Variants in SFMBT2 observed in about 807,000 individuals in gnomAD.
SFMBT2 encodes the protein scm-like with four MBT domains protein 2.
A neutral mutation model predicts 110.1 loss-of-function variants in SFMBT2; 38 were observed. The observed-to-expected ratio is 0.35, with a 90% CI of 0.27 to 0.45. The LOEUF is 0.45. Ranked by LOEUF, SFMBT2 falls within the 20% of genes least tolerant of loss-of-function variation. SFMBT2 has a pLI of 1.00. For synonymous variants in SFMBT2, 425 were observed against 425.4 expected (o/e 1.00, Z 0.01); for missense variants, 1,011 against 1,094.9 (o/e 0.92, Z 1.08).
At chr10:7,271,718 G>C (rs1841591418) in intron 7 of SFMBT2, among the ~76,000 whole-genome samples, 1 of 152,154 alleles carries the variant, frequency 6.6e-6, no homozygotes, top group Non-Finnish European at 1.5e-5. Context: ...AAAGAAAGAG[G>C]CTTATTAGAC....
chr10:7,379,525 ACT>A (rs1244999821), intron 2 of SFMBT2, among the ~76,000 whole-genome samples: 2 of 152,032 alleles, frequency 1.3e-5, no homozygotes, highest in African/African-American at 4.8e-5. Context: ...AAAGTCTTAG[ACT>A]CTGCTTTAAA....
chr10:7,392,659 T>C (rs959088323), intron 1 of SFMBT2, among the ~76,000 whole-genome samples: 6 of 152,306 alleles, frequency 3.9e-5, no homozygotes, highest in Non-Finnish European at 7.4e-5. Context: ...ACAAAACTAT[T>C]GCAAATATTT....
intron 7 of SFMBT2, among the ~76,000 whole-genome samples, chr10:7,254,851 C>T (rs1840943140): frequency 6.6e-6 from 1 of 152,016 alleles, no homozygotes; most frequent in African/African-American, 2.4e-5. Flanking sequence ...GGGAAGGTGG[C>T]ACAGTGGATT....
chr10:7,341,515 C>T (rs1434149619), intron 4 of SFMBT2, among the ~76,000 whole-genome samples: 1 of 152,084 alleles, frequency 6.6e-6, no homozygotes, highest in Non-Finnish European at 1.5e-5. Context: ...ATTCATTCAA[C>T]AAATTTTTGA....
rs957522795 is a variant in SFMBT2 at position 7,221,931 on chromosome 10, C to T, written c.1204-1394G>A. 2.6e-5 allele frequency among the ~76,000 whole-genome samples: 4 copies of T among 152,230 alleles called. No individual in the cohort carries two copies. The South Asian group carries it at 8.3e-4, about 32-fold the overall frequency. On this transcript the variant is annotated intron_variant, in intron 10 of 20. Transcript: ENST00000397167. ...CATTGGGGACCTTTGGTAATTAGTC[C>T]CTCCAAAGCACTCAGTTCCTGGCAA...
In SFMBT2 at chr10:7,172,101, C is replaced by T. The variant is rs758007521; in HGVS notation, c.2209G>A (p.Gly737Ser). 14 of 1,603,558 alleles carry T rather than the reference C, an allele frequency of 8.7e-6. No homozygotes were observed. Among genetic ancestry groups the T allele is most frequent in the East Asian group, 2.2e-5 (1 of 44,624 alleles). ...MDDDTASEETGSELRDDQTDT... is the reference protein window; with the variant it reads ...MDDDTASEETSSELRDDQTDT... ...GTCTGGTCATCCCGGAGCTCGGAGCCGGTCTCCTCACTGGCGGTGTCATCG... is the reference window on the plus strand; with the variant it reads ...GTCTGGTCATCCCGGAGCTCGGAGCTGGTCTCCTCACTGGCGGTGTCATCG... The change falls in exon 19 of 21, where the codon GGC (glycine) becomes AGC (serine). Residue 737 changes from glycine to serine, a missense_variant. Transcript: ENST00000397167. The surrounding 1 kb of genome is among the most constrained non-coding windows in gnomAD (Gnocchi z 4.6).
chr10:7,246,042 G>T, intron 8 of SFMBT2: 1 of 311,850 alleles, frequency 3.2e-6, no homozygotes, highest in Non-Finnish European at 4.7e-6. Flanking sequence ...CTCATTACAT[G>T]AAGATGAGTC....
chr10:7,328,162 A>G (rs762475734), intron 4 of SFMBT2, among the ~76,000 whole-genome samples: 4 of 152,190 alleles, frequency 2.6e-5, no homozygotes, highest in Non-Finnish European at 5.9e-5. Flanking sequence ...TATGTTACTA[A>G]TTATAATAGG....
At chr10:7,398,990 A>G (rs1023881778) in intron 1 of SFMBT2, among the ~76,000 whole-genome samples, 5 of 152,252 alleles carry the variant, frequency 3.3e-5, no homozygotes, top group African/African-American at 1.2e-4. Flanking sequence ...TGATCACTTC[A>G]AGCCAAACAA....
chr10:7,253,315 C>T (rs1273677142), intron 7 of SFMBT2, among the ~76,000 whole-genome samples: 1 of 152,192 alleles, frequency 6.6e-6, no homozygotes, highest in Non-Finnish European at 1.5e-5. Flanking sequence ...TTATAGCCAT[C>T]AAGTACAGGA....
At chr10:7,205,633 G>A (rs1476988433) in intron 12 of SFMBT2, 182 bp downstream of exon 12, 1 of 985,298 alleles carries the variant, frequency 1.0e-6, no homozygotes, top group Non-Finnish European at 1.2e-6. Flanking sequence ...TTGTCAACCT[G>A]TGACATCATC....
chr10:7,217,222 G>A (rs533524604), intron 11 of SFMBT2, among the ~76,000 whole-genome samples: 4 of 152,194 alleles, frequency 2.6e-5, no homozygotes, highest in African/African-American at 9.6e-5. Context: ...TTTGCAAGAC[G>A]AAAAATGTTC....
intron 4 of SFMBT2, among the ~76,000 whole-genome samples, chr10:7,306,741 GAAA>G (rs34999247): frequency 2.7e-5 from 4 of 150,406 alleles, no homozygotes; most frequent in African/African-American, 4.9e-5. Flanking sequence ...GAAAAGGGGG[GAAA>G]AAAAAGAGGA....
intron 4 of SFMBT2, among the ~76,000 whole-genome samples, chr10:7,332,085 G>A (rs933846006): frequency 4.0e-5 from 6 of 149,710 alleles, no homozygotes; most frequent in East Asian, 4.0e-4. Context: ...GTCATCTACC[G>A]CCGAAGTCAT....
At chr10:7,217,011 A>T (rs1177130828) in intron 11 of SFMBT2, among the ~76,000 whole-genome samples, 2 of 152,364 alleles carry the variant, frequency 1.3e-5, no homozygotes, top group East Asian at 3.9e-4. Flanking sequence ...AATATGGTAA[A>T]TTATGATGAA....
intron 2 of SFMBT2, among the ~76,000 whole-genome samples, chr10:7,374,011 C>T (rs543808649): frequency 3.9e-5 from 6 of 152,188 alleles, no homozygotes; most frequent in African/African-American, 1.4e-4. Flanking sequence ...TCCTGTAATC[C>T]CAGCACTTTG....
Position 7,172,396 on chromosome 10 carries a change from A to G in SFMBT2, c.2151+99T>C. The G allele has an allele frequency of 6.3e-7, 1 of 1,575,942 alleles. No homozygotes were observed. On this transcript the variant is annotated intron_variant, in intron 18 of 20. Transcript: ENST00000397167. The surrounding 1 kb of genome is among the most constrained non-coding windows in gnomAD (Gnocchi z 4.6). ...CTTCAGTGTTTCTGACCATCTTGCC[A>G]CAATCTCCAGGGCCACCTCTGCTGT...
In SFMBT2 at chr10:7,172,235, G is replaced by T; in HGVS notation, c.2152-77C>A. ...CGGTGGCCCCGCGGTCAGACCCTGG[G>T]CCCAGTGCAGACCACCTAGCAAACC... On this transcript the variant is annotated intron_variant, in intron 18 of 20. Coordinates refer to ENST00000397167, the MANE Select transcript of SFMBT2 (RefSeq NM_001387889.1). The surrounding 1 kb of genome is among the most constrained non-coding windows in gnomAD (Gnocchi z 4.6). 6.7e-7 allele frequency: 1 copy of T among 1,492,284 alleles called. No individual in the cohort carries two copies. 92.4% of individuals were successfully genotyped at this position (1,492,284 alleles called of 1,614,324 possible). A position where few individuals can be genotyped will look rare whatever the true frequency, so the allele number is the denominator to read the frequency against.
chr10:7,210,785 G>A (rs905922694), intron 11 of SFMBT2, among the ~76,000 whole-genome samples: 4 of 152,224 alleles, frequency 2.6e-5, no homozygotes, highest in Non-Finnish European at 4.4e-5. Context: ...CCCTGGGTCA[G>A]CTCTGGAGCC....
Sources: gnomAD v4.1 joint callset for allele counts (sites outside exome capture counted in the v4.1 genomes callset) on GRCh38, gnomAD v4.1.1 for gene constraint, Gnocchi (gnomAD v3.1) non-coding constraint, MANE v1.5 for transcripts, NCBI Gene and HGNC (gene_info 2026-07-23, HGNC 2026-07-21) for gene names.